Variants in SCN11A observed in about 807,000 individuals in gnomAD.
The protein encoded by SCN11A is sodium voltage-gated channel alpha subunit 11.
Under a neutral mutation model 162.2 loss-of-function variants are expected in SCN11A, and 122 were observed. The ratio of observed to expected loss-of-function variants is 0.75; its 90% CI spans 0.65 to 0.87. SCN11A has a LOEUF of 0.87. Ranked by LOEUF, SCN11A falls within the 40% of genes least tolerant of loss-of-function variation. The pLI is 0.00. For missense variants in SCN11A, 2,015 were observed against 2,181.6 expected (o/e 0.92, Z 1.52); for synonymous variants, 758 against 751.5 (o/e 1.01, Z -0.14).
chr3:39,051,556 TCC>T (rs1262086783), intron 1 of SCN11A, among the ~76,000 whole-genome samples: 2 of 152,096 alleles, frequency 1.3e-5, no homozygotes, highest in African/African-American at 2.4e-5. Flanking sequence ...CTTCTATCTC[TCC>T]CCCTTTGAGG....
At chr3:38,885,907 A>G (rs1016827475) in intron 20 of SCN11A, among the ~76,000 whole-genome samples, 2 of 152,212 alleles carry the variant, frequency 1.3e-5, no homozygotes, top group African/African-American at 2.4e-5. Flanking sequence ...GATATGGATA[A>G]ACATCTTACA....
At chr3:38,911,901 T>C (rs1230641744) in intron 11 of SCN11A, among the ~76,000 whole-genome samples, 1 of 152,216 alleles carries the variant, frequency 6.6e-6, no homozygotes, top group Non-Finnish European at 1.5e-5. Context: ...GTTTTGTTCA[T>C]GGCCACATTT....
At chr3:38,991,034 T>A (rs2030437023) in intron 2 of SCN11A, among the ~76,000 whole-genome samples, 1 of 152,094 alleles carries the variant, frequency 6.6e-6, no homozygotes, top group African/African-American at 2.4e-5. Flanking sequence ...TGTATATGGT[T>A]TTTTGTGCTT....
At chr3:38,969,927 A>C (rs2066806447) in intron 2 of SCN11A, among the ~76,000 whole-genome samples, 1 of 152,112 alleles carries the variant, frequency 6.6e-6, no homozygotes, top group Admixed American at 6.5e-5. Flanking sequence ...AAGGTGGCCC[A>C]ATCAAAGCCT....
Position 38,847,743 on chromosome 3 carries a change from C to T in SCN11A, c.4328-1G>A. ...TTTTCCAAGGTAGAAATCATTGTAC[C>T]TCAGGAGAAGGAGAAAAGTAAATAA... On this transcript the variant is annotated splice_acceptor_variant, in intron 29 of 29. Transcript: ENST00000302328. LOFTEE classifies it high-confidence loss of function. The T allele has an allele frequency of 6.4e-7, 1 of 1,566,504 alleles. No homozygotes were observed. Among genetic ancestry groups the T allele is most frequent in the South Asian group, 1.1e-5 (1 of 87,772 alleles).
chr3:38,929,223 G>T (rs564403495), intron 7 of SCN11A, among the ~76,000 whole-genome samples: 1 of 151,718 alleles, frequency 6.6e-6, no homozygotes, highest in South Asian at 2.1e-4. Flanking sequence ...TCAGTTCAGA[G>T]TAAAATGTGG....
chr3:38,907,867 G>T (rs973961341), intron 14 of SCN11A, 82 bp downstream of exon 14: 4 of 1,195,340 alleles, frequency 3.3e-6, no homozygotes, highest in Admixed American at 4.8e-5. Context: ...CTGAATAAAT[G>T]AATTATTTCA....
chr3:38,951,746 G>A (rs1381920519), intron 4 of SCN11A, among the ~76,000 whole-genome samples: 1 of 152,190 alleles, frequency 6.6e-6, no homozygotes, highest in Non-Finnish European at 1.5e-5. Flanking sequence ...GCTCTGGTGG[G>A]GCCTTGGAGA....
At chr3:38,918,637 G>C (rs2065998374) in intron 11 of SCN11A, among the ~76,000 whole-genome samples, 1 of 152,200 alleles carries the variant, frequency 6.6e-6, no homozygotes, top group Non-Finnish European at 1.5e-5. Flanking sequence ...TTTCATGGAA[G>C]ACAGTTTTTC....
intron 23 of SCN11A, 39 bp downstream of exon 23, chr3:38,879,911 T>C: frequency 1.9e-6 from 3 of 1,569,974 alleles, no homozygotes; most frequent in Non-Finnish European, 1.7e-6. Context: ...CCTTAACCAC[T>C]ACCCCAGCCT....
intron 7 of SCN11A, among the ~76,000 whole-genome samples, chr3:38,936,220 C>A (rs1211859019): frequency 6.6e-6 from 1 of 151,978 alleles, no homozygotes; most frequent in African/African-American, 2.4e-5. Context: ...GGACGTATCT[C>A]AAAATAATAA....
intron 23 of SCN11A, among the ~76,000 whole-genome samples, chr3:38,875,171 A>C (rs2065189023): frequency 6.6e-6 from 1 of 152,194 alleles, no homozygotes. Flanking sequence ...GCATGATGTC[A>C]AGGCTAATAA....
intron 11 of SCN11A, among the ~76,000 whole-genome samples, chr3:38,915,994 G>T (rs2065955460): frequency 6.6e-6 from 1 of 152,206 alleles, no homozygotes; most frequent in Admixed American, 6.5e-5. Flanking sequence ...CCTGTCTTGG[G>T]CGCATATACC....
chr3:39,022,096 G>T (rs2031465503), intron 2 of SCN11A, among the ~76,000 whole-genome samples: 2 of 152,028 alleles, frequency 1.3e-5, no homozygotes, highest in Admixed American at 6.6e-5. Context: ...GAGTAGTTCT[G>T]GCCTGTCTAA....
chr3:39,003,964 T>A (rs2030891025), intron 2 of SCN11A, among the ~76,000 whole-genome samples: 1 of 152,210 alleles, frequency 6.6e-6, no homozygotes, highest in Admixed American at 6.5e-5. Flanking sequence ...TTTTCTGCTA[T>A]TCTGTAGGTT....
intron 2 of SCN11A, among the ~76,000 whole-genome samples, chr3:38,971,782 A>G (rs2066818505): frequency 6.6e-6 from 1 of 152,186 alleles, no homozygotes; most frequent in South Asian, 2.1e-4. Context: ...TTCAGGGCAA[A>G]GACTATCCTA....
chr3:38,917,358 T>G (rs569979499), intron 11 of SCN11A, among the ~76,000 whole-genome samples: 1 of 152,320 alleles, frequency 6.6e-6, no homozygotes, highest in Non-Finnish European at 1.5e-5. Flanking sequence ...TAAAGACACA[T>G]GCAAGTGAAA....
intron 3 of SCN11A, among the ~76,000 whole-genome samples, chr3:38,955,955 C>T (rs939739165): frequency 3.9e-5 from 6 of 152,254 alleles, no homozygotes; most frequent in Admixed American, 6.5e-5. Context: ...CCTGCACGTT[C>T]GGCACAAAAG....
chr3:38,967,441 A>G (rs2125585761), intron 2 of SCN11A, among the ~76,000 whole-genome samples: 1 of 152,312 alleles, frequency 6.6e-6, no homozygotes, highest in Admixed American at 6.5e-5. Flanking sequence ...GCCTCTTGTC[A>G]ATAGCCAGCA....
Sources: allele counts gnomAD v4.1 joint callset (sites outside exome capture counted in the v4.1 genomes callset), GRCh38; gene constraint gnomAD v4.1.1; transcripts MANE v1.5; gene names NCBI Gene and HGNC (gene_info 2026-07-23, HGNC 2026-07-21).